Variants in PXDNL observed in about 807,000 individuals in gnomAD.
The protein encoded by PXDNL is peroxidasin like, also known as probable oxidoreductase PXDNL.
Under a neutral mutation model 150.8 loss-of-function variants are expected in PXDNL, and 145 were observed. The ratio of observed to expected loss-of-function variants is 0.96; its 90% CI spans 0.84 to 1.10. The LOEUF (loss-of-function observed/expected upper bound fraction) is 1.10. PXDNL is among the 50% of genes least tolerant of loss of function. The pLI is 0.00. For missense variants in PXDNL, 2,087 were observed against 1,873.9 expected (o/e 1.11, Z -2.10); for synonymous variants, 757 against 725.7 (o/e 1.04, Z -0.69).
intron 1 of PXDNL, among the ~76,000 whole-genome samples, chr8:51,782,276 C>G (rs2037422792): frequency 6.6e-6 from 1 of 152,116 alleles, no homozygotes. Context: ...TTAAAGCAGT[C>G]ACAGCACCTC....
At chr8:51,460,073 C>A (rs1320811373) in intron 8 of PXDNL, among the ~76,000 whole-genome samples, 2 of 151,604 alleles carry the variant, frequency 1.3e-5, no homozygotes, top group African/African-American at 4.8e-5. Context: ...CACAGTGAGA[C>A]CCTGTCTCTA....
In PXDNL at chr8:51,731,996, C is replaced by A. The variant is rs562266084; in HGVS notation, c.164+77185G>T. Among the ~76,000 whole-genome samples the A allele has an allele frequency of 1.3e-3, 200 of 152,336 alleles. 1 individual carries two copies. Among genetic ancestry groups the A allele is most frequent in the African/African-American group, 4.6e-3 (193 of 41,568 alleles). ...TTCCCCATTGTCTTGGCAATTAACACTGGACTCCTCATTACTTATGCAAAT... is the reference window on the plus strand; with the variant it reads ...TTCCCCATTGTCTTGGCAATTAACAATGGACTCCTCATTACTTATGCAAAT... On this transcript the variant is annotated intron_variant, in intron 1 of 22. Transcript: ENST00000356297.
intron 3 of PXDNL, among the ~76,000 whole-genome samples, chr8:51,557,838 A>G (rs983844399): frequency 2.6e-5 from 4 of 152,108 alleles, no homozygotes; most frequent in African/African-American, 9.7e-5. Context: ...GAAGGGACTG[A>G]TTTTCTATAA....
At chr8:51,800,274 G>A (rs2129262746) in intron 1 of PXDNL, among the ~76,000 whole-genome samples, 1 of 152,270 alleles carries the variant, frequency 6.6e-6, no homozygotes, top group African/African-American at 2.4e-5. Context: ...CATAAAATAT[G>A]TTGGTATGTA....
intron 8 of PXDNL, among the ~76,000 whole-genome samples, chr8:51,462,994 A>G (rs1217987928): frequency 6.6e-6 from 1 of 152,258 alleles, no homozygotes; most frequent in Admixed American, 6.5e-5. Flanking sequence ...CTTAAAGAAA[A>G]GAAATTCCAA....
intron 17 of PXDNL, among the ~76,000 whole-genome samples, chr8:51,391,498 G>A (rs995502257): frequency 6.6e-6 from 1 of 152,158 alleles, no homozygotes; most frequent in African/African-American, 2.4e-5. Context: ...GCAAGTGATG[G>A]TGAGCATTTT....
At chr8:51,635,082 T>G (rs1814578618) in intron 2 of PXDNL, among the ~76,000 whole-genome samples, 1 of 152,110 alleles carries the variant, frequency 6.6e-6, no homozygotes, top group Non-Finnish European at 1.5e-5. Flanking sequence ...CTTCCAGCTT[T>G]TGCCCATCCA....
chr8:51,683,578 T>C (rs1320627366), intron 1 of PXDNL, among the ~76,000 whole-genome samples: 1 of 152,058 alleles, frequency 6.6e-6, no homozygotes, highest in Non-Finnish European at 1.5e-5. Flanking sequence ...CTGTACAACA[T>C]TGCCCCTGGA....
rs1410076563 is a variant in PXDNL, at chr8:51,409,392, C to T, written c.2232G>A (p.Ala744=). The change falls in exon 17 of 23, where the codon GCG becomes GCA. Residue 744 remains alanine (A), a synonymous_variant. Transcript: ENST00000356297. ...CNNLQQPTWG[A]ALTAFARLLQ... ...GCAGGCGCGCGAAGGCGGTCAGCGC[C>T]GCGCCCCACGTGGGCTGCTGCAGGT... 6.2e-7 allele frequency: 1 copy of T among 1,606,056 alleles called. No homozygotes were observed. The highest frequency in any genetic ancestry group is 1.7e-5 in the Admixed American group (1 of 59,028).
At chr8:51,329,770 G>C (rs1421057608) in intron 21 of PXDNL, among the ~76,000 whole-genome samples, 1 of 152,164 alleles carries the variant, frequency 6.6e-6, no homozygotes, top group Admixed American at 6.5e-5. Context: ...TTCATCAGTA[G>C]ACGTAATGTA....
intron 1 of PXDNL, among the ~76,000 whole-genome samples, chr8:51,713,363 A>G (rs1390889239): frequency 1.3e-5 from 2 of 152,238 alleles, no homozygotes; most frequent in Non-Finnish European, 2.9e-5. Flanking sequence ...AGGCAGTCTT[A>G]TCATAAGCAG....
At chr8:51,510,674 G>A (rs1051975626) in intron 4 of PXDNL, among the ~76,000 whole-genome samples, 1 of 152,132 alleles carries the variant, frequency 6.6e-6, no homozygotes, top group African/African-American at 2.4e-5. Context: ...CAGGAGACCT[G>A]AGGCTCATCG....
chr8:51,728,355 T>C (rs1392477792), intron 1 of PXDNL, among the ~76,000 whole-genome samples: 2 of 151,822 alleles, frequency 1.3e-5, no homozygotes, highest in Non-Finnish European at 2.9e-5. Flanking sequence ...TGCTTATATA[T>C]TTTTTCAGAG....
chr8:51,363,130 T>G (rs1806805755), intron 19 of PXDNL, among the ~76,000 whole-genome samples: 1 of 152,186 alleles, frequency 6.6e-6, no homozygotes, highest in African/African-American at 2.4e-5. Flanking sequence ...TGGGAAGGGT[T>G]GTATCCTCCA....
At chr8:51,395,651 G>A (rs111943674) in intron 17 of PXDNL, among the ~76,000 whole-genome samples, 2 of 152,238 alleles carry the variant, frequency 1.3e-5, no homozygotes, top group African/African-American at 4.8e-5. Context: ...GATATAATTT[G>A]GTTTCAAAGA....
At chr8:51,423,830 T>G in intron 13 of PXDNL, 99 bp from the exon 14 acceptor site, 1 of 1,094,704 alleles carries the variant, frequency 9.1e-7, no homozygotes, top group Non-Finnish European at 1.3e-6. Flanking sequence ...AACAGATATC[T>G]ATTGCACGTT....
At chr8:51,744,449 C>T (rs1397373849) in intron 1 of PXDNL, among the ~76,000 whole-genome samples, 4 of 149,414 alleles carry the variant, frequency 2.7e-5, no homozygotes, top group Admixed American at 2.0e-4. Flanking sequence ...GGATAGATCA[C>T]GAGGTCAGGA....
chr8:51,531,512 C>T (rs1266768925), intron 4 of PXDNL, among the ~76,000 whole-genome samples: 2 of 152,124 alleles, frequency 1.3e-5, no homozygotes, highest in East Asian at 3.9e-4. Flanking sequence ...CAGCTGCTGG[C>T]CTGAATGAGA....
At chr8:51,528,231 C>G (rs999339026) in intron 4 of PXDNL, among the ~76,000 whole-genome samples, 1 of 152,146 alleles carries the variant, frequency 6.6e-6, no homozygotes, top group Non-Finnish European at 1.5e-5. Flanking sequence ...AATCAAGAAA[C>G]AAGTTCTACC....
Sources: allele counts gnomAD v4.1 joint callset (sites outside exome capture counted in the v4.1 genomes callset), GRCh38; gene constraint gnomAD v4.1.1; transcripts MANE v1.5; gene names NCBI Gene and HGNC (gene_info 2026-07-23, HGNC 2026-07-21).